The following THEMIS variants were observed in gnomAD, a reference collection of about 807,000 sequenced individuals.
THEMIS encodes the protein thymocyte selection associated, also known as protein THEMIS.
In THEMIS, 37 loss-of-function variants were observed where a neutral mutation model predicts 52.6. The ratio of observed to expected loss-of-function variants is 0.70; its 90% CI spans 0.54 to 0.93. The LOEUF (loss-of-function observed/expected upper bound fraction) is 0.93. Ranked by LOEUF, THEMIS falls within the 40% of genes least tolerant of loss-of-function variation. The pLI, the probability that THEMIS is intolerant of heterozygous loss-of-function variation, is 0.00. For synonymous variants in THEMIS, 292 were observed against 272.7 expected, an observed-to-expected ratio of 1.07 and a Z score of -0.70; for missense variants, 808 against 763.1, an observed-to-expected ratio of 1.06 and a Z score of -0.69.
At chr6:127,812,819 G>T in intron 4 of THEMIS, 64 bp downstream of exon 4, 1 of 1,469,104 alleles carries the variant, frequency 6.8e-7, no homozygotes, top group Non-Finnish European at 9.2e-7. Flanking sequence ...ACTCAGAAAA[G>T]ACTTGAAACA....
chr6:127,883,083 AAAGAC>A (rs1436906342), intron 1 of THEMIS, among the ~76,000 whole-genome samples: 2 of 152,000 alleles, frequency 1.3e-5, no homozygotes, highest in Admixed American at 6.6e-5. Context: ...AATGTTATTA[AAAGAC>A]AAGACAAACG....
intron 4 of THEMIS, among the ~76,000 whole-genome samples, chr6:127,755,800 G>A (rs973448372): frequency 6.6e-6 from 1 of 152,074 alleles, no homozygotes; most frequent in Non-Finnish European, 1.5e-5. Context: ...TGGGAGGCGG[G>A]CAGATCACTT....
intron 5 of THEMIS, among the ~76,000 whole-genome samples, chr6:127,717,014 T>G (rs1774191067): frequency 6.6e-6 from 1 of 151,832 alleles, no homozygotes; most frequent in African/African-American, 2.4e-5. Context: ...AGACAGAAAC[T>G]CAGAGACTGA....
At chr6:127,892,763 G>A (rs17055102) in intron 1 of THEMIS, among the ~76,000 whole-genome samples, 2,705 of 152,100 alleles carry the variant, frequency 0.018, 86 homozygotes, top group African/African-American at 0.061. Flanking sequence ...GTCTGTAACC[G>A]TTTACACATT....
the THEMIS span, among the ~76,000 whole-genome samples, chr6:127,702,863 G>A: frequency 2.0e-5 from 3 of 151,808 alleles, no homozygotes; most frequent in South Asian, 2.1e-4. Flanking sequence ...CTTGTGAGAC[G>A]TATTCACTCT....
chr6:127,822,587 G>A (rs1359662988), intron 3 of THEMIS, among the ~76,000 whole-genome samples: 1 of 152,032 alleles, frequency 6.6e-6, no homozygotes, highest in Non-Finnish European at 1.5e-5. Flanking sequence ...TCTAAGAAAA[G>A]CAAATAAACA....
intron 5 of THEMIS, among the ~76,000 whole-genome samples, chr6:127,714,611 G>C (rs1188469527): frequency 6.6e-6 from 1 of 151,730 alleles, no homozygotes; most frequent in African/African-American, 2.4e-5. Context: ...TTTCCTGTAA[G>C]ATAAGTATTT....
chr6:127,786,389 G>A (rs1370973964), intron 4 of THEMIS, among the ~76,000 whole-genome samples: 1 of 152,108 alleles, frequency 6.6e-6, no homozygotes, highest in Non-Finnish European at 1.5e-5. Context: ...AAACTTTGTA[G>A]CCAGATAAAC....
At chr6:127,739,900 C>T (rs1472943809) in intron 4 of THEMIS, among the ~76,000 whole-genome samples, 1 of 152,138 alleles carries the variant, frequency 6.6e-6, no homozygotes, top group East Asian at 1.9e-4. Flanking sequence ...TTCTTAATAC[C>T]ATTAACTGCA....
chr6:127,742,310 G>T (rs1775229291), intron 4 of THEMIS, among the ~76,000 whole-genome samples: 2 of 104,914 alleles, frequency 1.9e-5, no homozygotes, highest in Admixed American at 1.8e-4. Context: ...GTGAGACTCT[G>T]CTTAAAAAAA....
In THEMIS at chr6:127,758,147, A is replaced by G. The variant is rs1012876816; in HGVS notation, c.1759-38324T>C. On this transcript the variant is annotated intron_variant, in intron 4 of 5. Transcript: ENST00000368248. The stretch of plus-strand genomic sequence containing the variant: ...TAAAATTAACAGATTACAAAAATAA[A>G]GAATTAAGAATAGAATAAAAATAAG... Among the ~76,000 whole-genome samples the G allele has an allele frequency of 3.2e-4, 49 of 151,164 alleles. 1 individual carries two copies. The highest frequency in any genetic ancestry group is 7.1e-4 in the Non-Finnish European group (48 of 67,728).
At chr6:127,791,844 C>T (rs1223255180) in intron 4 of THEMIS, among the ~76,000 whole-genome samples, 7 of 152,126 alleles carry the variant, frequency 4.6e-5, no homozygotes, top group Non-Finnish European at 7.4e-5. Context: ...CACACCCAGC[C>T]GAGTCGTGAC....
intron 2 of THEMIS, among the ~76,000 whole-genome samples, chr6:127,841,813 T>G (rs916672561): frequency 1.3e-5 from 2 of 152,060 alleles, no homozygotes; most frequent in African/African-American, 4.8e-5. Context: ...CTTGCATAGT[T>G]TATACAAAAT....
At chr6:127,849,368 C>T (rs934519197) in intron 2 of THEMIS, among the ~76,000 whole-genome samples, 1 of 151,914 alleles carries the variant, frequency 6.6e-6, no homozygotes, top group Non-Finnish European at 1.5e-5. Context: ...GTGATGCCTC[C>T]AGCTTTGTTC....
chr6:127,765,703 C>T lies in THEMIS; in HGVS notation c.1759-45880G>A, dbSNP rs115451960. 5.5e-3 allele frequency among the ~76,000 whole-genome samples: 839 copies of T among 151,992 alleles called. 7 individuals are homozygous for T. The highest frequency in any genetic ancestry group is 0.019 in the African/African-American group (804 of 41,502). ...ATAAGTTTAGATACACAATACTTAC[C>T]ACTGTGTTACAATTGCCTCCAGTAT... is the stretch of plus-strand genomic sequence containing the variant. On this transcript the variant is annotated intron_variant, in intron 4 of 5. Coordinates refer to ENST00000368248, the MANE Select transcript of THEMIS (RefSeq NM_001010923.3).
the THEMIS span, among the ~76,000 whole-genome samples, chr6:127,702,493 C>T: frequency 1.3e-5 from 2 of 152,266 alleles, no homozygotes; most frequent in East Asian, 1.9e-4. Flanking sequence ...ATTCTGCCTT[C>T]TTAAACTCTT....
intron 4 of THEMIS, among the ~76,000 whole-genome samples, chr6:127,766,712 AT>A (rs1242959068): frequency 6.6e-6 from 1 of 152,210 alleles, no homozygotes; most frequent in Non-Finnish European, 1.5e-5. Flanking sequence ...AATGGTAAGT[AT>A]TTTTGTACTT....
intron 2 of THEMIS, among the ~76,000 whole-genome samples, chr6:127,833,610 C>T (rs896833269): frequency 3.9e-5 from 6 of 152,086 alleles, no homozygotes; most frequent in Non-Finnish European, 7.4e-5. Context: ...ACCAGCCAGC[C>T]CTCTCTTTAC....
At chr6:127,888,644 CA>C (rs933752513) in intron 1 of THEMIS, among the ~76,000 whole-genome samples, 5 of 149,888 alleles carry the variant, frequency 3.3e-5, no homozygotes, top group South Asian at 2.1e-4. Context: ...TTTTCTAAAG[CA>C]AAAAAAAATT....
Sources: gnomAD v4.1 joint callset for allele counts (sites outside exome capture counted in the v4.1 genomes callset) on GRCh38, gnomAD v4.1.1 for gene constraint, MANE v1.5 for transcripts, NCBI Gene and HGNC (gene_info 2026-07-23, HGNC 2026-07-21) for gene names.